Variants in GRID2 observed in about 807,000 individuals in gnomAD.
GRID2 encodes glutamate ionotropic receptor delta type subunit 2, also known as glutamate receptor ionotropic, delta-2.
In GRID2, 33 loss-of-function variants were observed where a neutral mutation model predicts 114.8. The observed-to-expected ratio is 0.29, with a 90% CI of 0.22 to 0.38. The LOEUF (loss-of-function observed/expected upper bound fraction) is 0.38, where lower values mean the gene tolerates loss of function less well. Ranked by LOEUF, GRID2 falls within the 10% of genes least tolerant of loss-of-function variation. The pLI is 1.00. For missense variants in GRID2, 1,184 were observed against 1,257.7 expected, an observed-to-expected ratio of 0.94 and a Z score of 0.89; for synonymous variants, 505 against 449.9, an observed-to-expected ratio of 1.12 and a Z score of -1.55.
intron 2 of GRID2, among the ~76,000 whole-genome samples, chr4:93,056,940 A>G (rs1227127124): frequency 6.6e-6 from 1 of 152,060 alleles, no homozygotes; most frequent in Non-Finnish European, 1.5e-5. Context: ...GAGGATCATT[A>G]TAATAGAAAA....
At chr4:93,334,559 T>C (rs989284868) in intron 8 of GRID2, among the ~76,000 whole-genome samples, 1 of 152,198 alleles carries the variant, frequency 6.6e-6, no homozygotes, top group Non-Finnish European at 1.5e-5. Context: ...ATCTGGTGGT[T>C]ATATTGGACC....
chr4:93,541,869 A>G (rs986433316), intron 13 of GRID2, among the ~76,000 whole-genome samples: 1 of 152,298 alleles, frequency 6.6e-6, no homozygotes, highest in East Asian at 1.9e-4. Context: ...TAACTTGGGA[A>G]CCCTCATCAT....
chr4:92,596,493 G>A (rs532752686), intron 2 of GRID2, among the ~76,000 whole-genome samples: 19 of 152,060 alleles, frequency 1.2e-4, no homozygotes, highest in Admixed American at 6.6e-4. Flanking sequence ...TATGAGGGAA[G>A]ATACTTAGCT....
rs956446734 is a variant in GRID2 at position 92,438,129 on chromosome 4, G to A, written c.88+133385G>A. Reference sequence around the variant, plus strand: ...CGTTGGTATTGTAGTTATTTTATACGTACATATGCCAGAAATAACATAAAA... The same window carrying A: ...CGTTGGTATTGTAGTTATTTTATACATACATATGCCAGAAATAACATAAAA... On this transcript the variant is annotated intron_variant, in intron 1 of 15. Coordinates refer to ENST00000282020, the MANE Select transcript of GRID2 (RefSeq NM_001510.4). Among the ~76,000 whole-genome samples, 9 of 152,056 alleles carry A rather than the reference G, an allele frequency of 5.9e-5. No individual in the cohort carries two copies. In the South Asian group the frequency reaches 6.2e-4, roughly 11 times the overall value.
intron 13 of GRID2, among the ~76,000 whole-genome samples, chr4:93,563,698 A>T (rs1735130665): frequency 6.6e-6 from 1 of 152,024 alleles, no homozygotes; most frequent in Admixed American, 6.6e-5. Context: ...AAAAGTGGCC[A>T]TGAAGTTCTC....
chr4:92,793,148 T>A (rs1343648413), intron 2 of GRID2, among the ~76,000 whole-genome samples: 1 of 151,816 alleles, frequency 6.6e-6, no homozygotes, highest in Admixed American at 6.6e-5. Flanking sequence ...TAAGACAGTT[T>A]TCTCCGTTTT....
intron 1 of GRID2, among the ~76,000 whole-genome samples, chr4:92,444,599 T>C (rs948229018): frequency 5.3e-5 from 8 of 152,062 alleles, no homozygotes; most frequent in Non-Finnish European, 1.0e-4. Context: ...CATCTGGGAG[T>C]ATAGGTGCAA....
chr4:92,513,685 T>C (rs999942970), intron 1 of GRID2, among the ~76,000 whole-genome samples: 4 of 151,814 alleles, frequency 2.6e-5, no homozygotes, highest in Non-Finnish European at 5.9e-5. Context: ...CAGCACCATA[T>C]GGGTAGAGAT....
intron 8 of GRID2, among the ~76,000 whole-genome samples, chr4:93,260,430 T>TTATA: frequency 6.6e-6 from 1 of 151,188 alleles, no homozygotes; most frequent in East Asian, 1.9e-4. Context: ...AAGATAAATA[T>TTATA]TATATATTTA....
intron 2 of GRID2, among the ~76,000 whole-genome samples, chr4:92,740,741 T>TGGATAGATAGATAGAC (rs1553922633): frequency 1.6e-4 from 23 of 145,108 alleles, no homozygotes; most frequent in Non-Finnish European, 2.7e-4. Flanking sequence ...GATAGATAGA[T>TGGATAGATAGATAGAC]GGATAGATAG....
At chr4:92,638,375 A>T (rs986821244) in intron 2 of GRID2, among the ~76,000 whole-genome samples, 1 of 150,662 alleles carries the variant, frequency 6.6e-6, no homozygotes, top group East Asian at 2.0e-4. Context: ...TCAGCACCTC[A>T]GTTCCCTCTT....
chr4:92,867,737 G>C (rs1461259403), intron 2 of GRID2, among the ~76,000 whole-genome samples: 2 of 152,074 alleles, frequency 1.3e-5, no homozygotes, highest in Non-Finnish European at 2.9e-5. Flanking sequence ...TACTAGATTT[G>C]CTATTGTCCT....
At chr4:93,631,817 T>G (rs1720919583) in intron 14 of GRID2, among the ~76,000 whole-genome samples, 1 of 152,214 alleles carries the variant, frequency 6.6e-6, no homozygotes, top group Admixed American at 6.5e-5. Context: ...ATTGTACTAG[T>G]TTACAGTCCC....
intron 12 of GRID2, among the ~76,000 whole-genome samples, chr4:93,509,034 A>C (rs1687081748): frequency 6.6e-6 from 1 of 152,220 alleles, no homozygotes; most frequent in African/African-American, 2.4e-5. Context: ...AAAAGGCTTA[A>C]GCCAAATTTT....
At chr4:92,563,156 C>A (rs1427798858) in intron 1 of GRID2, among the ~76,000 whole-genome samples, 1 of 152,026 alleles carries the variant, frequency 6.6e-6, no homozygotes, top group African/African-American at 2.4e-5. Context: ...CCATGCTCCC[C>A]GTTTCTAGTT....
intron 2 of GRID2, among the ~76,000 whole-genome samples, chr4:92,905,420 G>T (rs893822367): frequency 3.3e-5 from 5 of 151,912 alleles, no homozygotes; most frequent in African/African-American, 1.2e-4. Flanking sequence ...ATAGAGTTAG[G>T]TAATAAACTA....
intron 1 of GRID2, among the ~76,000 whole-genome samples, chr4:92,405,238 A>G (rs966503248): frequency 3.9e-5 from 6 of 152,188 alleles, no homozygotes; most frequent in Non-Finnish European, 8.8e-5. Context: ...TAATATTTAT[A>G]TAGGACAGTT....
chr4:92,720,697 CCTA>C (rs1735770207), intron 2 of GRID2, among the ~76,000 whole-genome samples: 1 of 151,916 alleles, frequency 6.6e-6, no homozygotes, highest in African/African-American at 2.4e-5. Flanking sequence ...TTTATAATAA[CCTA>C]ATATATATGG....
chr4:92,542,481 G>A lies in GRID2; in HGVS notation c.89-47650G>A, dbSNP rs541866610. Among the ~76,000 whole-genome samples, 108 of 152,226 alleles carry A rather than the reference G, an allele frequency of 7.1e-4. 1 individual carries two copies. Among genetic ancestry groups the A allele is most frequent in the Non-Finnish European group, 1.2e-3 (85 of 68,028 alleles). ...CATTTATGAAATAATGGCATTTGCAGCAACGTGGATGGAGTTGAAGATCAT... is the reference window on the plus strand; with the variant it reads ...CATTTATGAAATAATGGCATTTGCAACAACGTGGATGGAGTTGAAGATCAT... On this transcript the variant is annotated intron_variant, in intron 1 of 15. Transcript: ENST00000282020.
Sources: gnomAD v4.1 joint callset for allele counts (sites outside exome capture counted in the v4.1 genomes callset) on GRCh38, gnomAD v4.1.1 for gene constraint, MANE v1.5 for transcripts, NCBI Gene and HGNC (gene_info 2026-07-23, HGNC 2026-07-21) for gene names.